Variants in LRP1B observed in about 807,000 individuals in gnomAD.
LRP1B encodes the protein LDL receptor related protein 1B, also known as low-density lipoprotein receptor-related protein 1B.
In LRP1B, 217 loss-of-function variants were observed where a neutral mutation model predicts 556.6. The ratio of observed to expected loss-of-function variants is 0.39; its 90% confidence interval spans 0.35 to 0.44. The LOEUF (loss-of-function observed/expected upper bound fraction) is 0.44. LRP1B is among the 20% of genes least tolerant of loss of function. LRP1B has a pLI of 1.00. For missense variants in LRP1B, 5,053 were observed against 5,620.8 expected (o/e 0.90, Z 3.23); for synonymous variants, 2,047 against 1,865.8 (o/e 1.10, Z -2.50).
intron 18 of LRP1B, among the ~76,000 whole-genome samples, chr2:140,955,031 T>C (rs1695832183): frequency 6.6e-6 from 1 of 151,998 alleles, no homozygotes; most frequent in Admixed American, 6.6e-5. Context: ...TCAGCTTCTC[T>C]GGTTTCAGAC....
At chr2:140,568,065 C>CA (rs200041508) in intron 43 of LRP1B, among the ~76,000 whole-genome samples, 90 of 150,054 alleles carry the variant, frequency 6.0e-4, no homozygotes, top group African/African-American at 2.0e-3. Context: ...ACACAAGAAA[C>CA]AAAAAAAAGA....
In LRP1B at chr2:141,764,058, A is replaced by G. The variant is rs115390816; in HGVS notation, c.205+46221T>C. ...CTTAAATTAGTGTTCTGGACTGAAT[A>G]TGTCATCCGAAAATTCGGATGTTGA... On this transcript the variant is annotated intron_variant, in intron 2 of 90. Coordinates refer to ENST00000389484, the MANE Select transcript of LRP1B (RefSeq NM_018557.3). Among the ~76,000 whole-genome samples the G allele has an allele frequency of 6.8e-3, 1,039 of 152,324 alleles. 15 individuals are homozygous for G. The highest frequency in any genetic ancestry group is 0.024 in the African/African-American group (994 of 41,564).
intron 7 of LRP1B, among the ~76,000 whole-genome samples, chr2:141,092,553 A>G (rs762102540): frequency 4.6e-5 from 7 of 152,232 alleles, no homozygotes; most frequent in Non-Finnish European, 1.0e-4. Flanking sequence ...ATAAGACTAG[A>G]TGGGTTCACC....
At chr2:141,364,416 AC>A (rs1271645107) in intron 3 of LRP1B, among the ~76,000 whole-genome samples, 5 of 150,586 alleles carry the variant, frequency 3.3e-5, no homozygotes, top group Admixed American at 3.3e-4. Flanking sequence ...ATCATAACAC[AC>A]ACACACACAC....
chr2:140,855,343 C>T (rs929916297), intron 27 of LRP1B, among the ~76,000 whole-genome samples: 6 of 150,650 alleles, frequency 4.0e-5, no homozygotes, highest in African/African-American at 1.2e-4. Flanking sequence ...CTTTGTAGAA[C>T]ACATACTTGA....
At chr2:140,939,474 T>G (rs1438956639) in intron 20 of LRP1B, among the ~76,000 whole-genome samples, 1 of 148,446 alleles carries the variant, frequency 6.7e-6, no homozygotes, top group East Asian at 1.9e-4. Context: ...TTATAACATT[T>G]ATAAATATAT....
chr2:141,153,203 T>C (rs894307264), intron 7 of LRP1B, among the ~76,000 whole-genome samples: 1 of 139,712 alleles, frequency 7.2e-6, no homozygotes, highest in East Asian at 2.0e-4. Flanking sequence ...AGGATGTAAA[T>C]TTTTAGAAGG....
chr2:140,385,104 C>T (rs1683700160), intron 67 of LRP1B, among the ~76,000 whole-genome samples: 2 of 152,020 alleles, frequency 1.3e-5, no homozygotes, highest in Non-Finnish European at 2.9e-5. Flanking sequence ...AGAAAACTAG[C>T]CAGGTGTGGT....
intron 18 of LRP1B, among the ~76,000 whole-genome samples, chr2:140,969,880 C>G (rs1311374563): frequency 2.0e-5 from 3 of 152,110 alleles, no homozygotes; most frequent in Admixed American, 1.3e-4. Context: ...GAGTTTCTGC[C>G]GAGAGATCAG....
intron 1 of LRP1B, among the ~76,000 whole-genome samples, chr2:141,873,389 A>AT (rs1255657972): frequency 5.3e-5 from 8 of 151,948 alleles, no homozygotes; most frequent in Admixed American, 6.6e-5. Context: ...AACTCAACCT[A>AT]TTTTTTGCAT....
chr2:142,017,218 A>G (rs2105168627), intron 1 of LRP1B, among the ~76,000 whole-genome samples: 1 of 152,274 alleles, frequency 6.6e-6, no homozygotes, highest in East Asian at 1.9e-4. Context: ...TGAGGCAGGA[A>G]ATTGATGAAA....
intron 49 of LRP1B, among the ~76,000 whole-genome samples, chr2:140,520,121 A>T (rs1690095235): frequency 6.6e-6 from 1 of 152,204 alleles, no homozygotes; most frequent in Non-Finnish European, 1.5e-5. Flanking sequence ...TACCCAAAGG[A>T]TTATAAATCA....
At chr2:141,463,571 ATTATATAT>A (rs1682011941) in intron 3 of LRP1B, among the ~76,000 whole-genome samples, 1 of 46,672 alleles carries the variant, frequency 2.1e-5, no homozygotes, top group African/African-American at 6.8e-5. Context: ...TATATTATAT[ATTATATAT>A]AATTATATAT....
intron 83 of LRP1B, among the ~76,000 whole-genome samples, chr2:140,307,421 C>A (rs115794547): frequency 4.0e-5 from 6 of 151,764 alleles, no homozygotes; most frequent in Non-Finnish European, 4.4e-5. Context: ...GGCTATTAAA[C>A]TTGACTGAGT....
At chr2:141,037,495 C>A (rs897850534) in intron 11 of LRP1B, among the ~76,000 whole-genome samples, 1 of 151,952 alleles carries the variant, frequency 6.6e-6, no homozygotes, top group Non-Finnish European at 1.5e-5. Flanking sequence ...ATGAAACTCA[C>A]GTCTCAGAAT....
intron 66 of LRP1B, among the ~76,000 whole-genome samples, chr2:140,415,629 T>C (rs1038884143): frequency 6.6e-6 from 1 of 152,142 alleles, no homozygotes; most frequent in Admixed American, 6.5e-5. Context: ...AGAGGTAAAT[T>C]CTCACCAAAG....
At chr2:141,871,913 G>A (rs766583987) in intron 1 of LRP1B, among the ~76,000 whole-genome samples, 10 of 151,948 alleles carry the variant, frequency 6.6e-5, no homozygotes, top group Non-Finnish European at 1.3e-4. Flanking sequence ...TGTGTAACAA[G>A]GAGGAAATAT....
At chr2:140,323,111 TA>T (rs1376152915) in intron 81 of LRP1B, among the ~76,000 whole-genome samples, 1 of 152,006 alleles carries the variant, frequency 6.6e-6, no homozygotes, top group African/African-American at 2.4e-5. Flanking sequence ...CCAAACAAGA[TA>T]AAATCCATTT....
chr2:141,188,520 T>C lies in LRP1B; in HGVS notation c.914A>G (p.Asp305Gly). The change falls in exon 7 of 91, where the codon GAC becomes GGC. Residue 305 changes from aspartate to glycine, a missense_variant. Physicochemically the swap from Asp to Gly is moderately conservative, Grantham distance 94. Coordinates refer to ENST00000389484, the MANE Select transcript of LRP1B (RefSeq NM_018557.3). ...RNLYFVDHVG[D>G]RIFVCNSNGS... The stretch of plus-strand genomic sequence containing the variant: ...GTTGGAATTACAAACAAAGATCCGG[T>C]CACCGACATGGTCCACAAAATAGAG... The C allele has an allele frequency of 6.2e-7, 1 of 1,612,836 alleles. No homozygotes were observed. The highest frequency in any genetic ancestry group is 1.1e-5 in the South Asian group (1 of 91,048).
Sources: allele counts gnomAD v4.1 joint callset (sites outside exome capture counted in the v4.1 genomes callset), GRCh38; gene constraint gnomAD v4.1.1; transcripts MANE v1.5; gene names NCBI Gene and HGNC (gene_info 2026-07-23, HGNC 2026-07-21).